The following GNB1 variants were observed in gnomAD, a reference collection of about 807,000 sequenced individuals.
The protein encoded by GNB1 is guanine nucleotide-binding protein G(I)/G(S)/G(T) subunit beta-1.
A neutral mutation model predicts 42.9 loss-of-function variants in GNB1; 2 were observed. The ratio of observed to expected loss-of-function variants is 0.05; its 90% CI spans 0.02 to 0.15. The LOEUF is 0.15. GNB1 is among the 10% of genes least tolerant of loss of function. The pLI, the probability that GNB1 is intolerant of heterozygous loss-of-function variation, is 1.00. For synonymous variants in GNB1, 183 were observed against 174.7 expected, an observed-to-expected ratio of 1.05 and a Z score of -0.38; for missense variants, 193 against 462.2, an observed-to-expected ratio of 0.42 and a Z score of 5.34.
intron 4 of GNB1, among the ~76,000 whole-genome samples, chr1:1,816,471 G>A (rs1376341336): frequency 6.6e-6 from 1 of 151,990 alleles, no homozygotes; most frequent in Non-Finnish European, 1.5e-5. Context: ...TTGAAATTCA[G>A]GTAATTCTAT....
intron 1 of GNB1, among the ~76,000 whole-genome samples, chr1:1,871,683 C>T (rs1268300950): frequency 2.0e-5 from 3 of 152,230 alleles, no homozygotes; most frequent in Non-Finnish European, 2.9e-5. Context: ...TTGCCCTATA[C>T]CCATTTTGAG....
intron 1 of GNB1, among the ~76,000 whole-genome samples, chr1:1,869,185 CAAAAAAAAA>C (rs71578347): frequency 6.4e-4 from 17 of 26,744 alleles, no homozygotes; most frequent in South Asian, 1.6e-3. Flanking sequence ...GACACCTTCT[CAAAAAAAAA>C]AAAAAAAAAA....
At position 1,889,677 on chromosome 1, in the gene GNB1, A is replaced by C. The variant is rs1398544544; in HGVS notation, c.-96+1143T>G. Among the ~76,000 whole-genome samples the C allele has an allele frequency of 4.0e-5, 6 of 151,406 alleles. No homozygotes were observed. In the South Asian group the frequency reaches 1.0e-3, roughly 26 times the overall value. The stretch of plus-strand genomic sequence containing the variant: ...CATCTCTTAAAAAAAAAAAAAAAAA[A>C]GGCTTCCATGAAGATGAATTAAGCA... On this transcript the variant is annotated intron_variant, in intron 1 of 11. Coordinates refer to ENST00000378609, the MANE Select transcript of GNB1 (RefSeq NM_002074.5).
chr1:1,868,072 T>C (rs1557941316), intron 1 of GNB1, among the ~76,000 whole-genome samples: 2 of 152,248 alleles, frequency 1.3e-5, no homozygotes, highest in African/African-American at 2.4e-5. Flanking sequence ...CACATGCATA[T>C]AGGAATACTG....
At chr1:1,884,869 G>C (rs1256961374) in intron 1 of GNB1, among the ~76,000 whole-genome samples, 1 of 151,540 alleles carries the variant, frequency 6.6e-6, no homozygotes, top group African/African-American at 2.4e-5. Context: ...ATTTTTAGCA[G>C]AGACAGGGTT....
chr1:1,849,781 T>A (rs6681938), intron 1 of GNB1, among the ~76,000 whole-genome samples: 1 of 151,984 alleles, frequency 6.6e-6, no homozygotes. Flanking sequence ...TGCCTAGGTG[T>A]TGAGGGTTTT....
intron 1 of GNB1, among the ~76,000 whole-genome samples, chr1:1,882,333 CAGG>C (rs750808248): frequency 6.8e-6 from 1 of 148,140 alleles, no homozygotes; most frequent in Non-Finnish European, 1.5e-5. Context: ...GAGGCTGAGG[CAGG>C]AGAAGCGCCT....
At chr1:1,845,417 C>A (rs1647585466) in intron 1 of GNB1, among the ~76,000 whole-genome samples, 2 of 151,896 alleles carry the variant, frequency 1.3e-5, no homozygotes, top group Non-Finnish European at 2.9e-5. Context: ...ACTAAAAATA[C>A]AAAAAATTAG....
chr1:1,830,086 G>A (rs1298945352), intron 2 of GNB1, among the ~76,000 whole-genome samples: 1 of 151,916 alleles, frequency 6.6e-6, no homozygotes, highest in Non-Finnish European at 1.5e-5. Context: ...GTTGTTTTTG[G>A]AGAAAGAGAA....
chr1:1,839,132 G>A (rs1327840763), intron 2 of GNB1, 58 bp downstream of exon 2: 1 of 152,046 alleles, frequency 6.6e-6, no homozygotes, highest in East Asian at 1.9e-4. Context: ...AACAAACTCT[G>A]AAGAAATTTA....
chr1:1,803,312 T>G (rs1401598192), intron 7 of GNB1, among the ~76,000 whole-genome samples: 1 of 152,254 alleles, frequency 6.6e-6, no homozygotes, highest in Non-Finnish European at 1.5e-5. Context: ...TATGCCTCAT[T>G]TGCAGAGACA....
chr1:1,832,475 T>C (rs1647090154), intron 2 of GNB1, among the ~76,000 whole-genome samples: 1 of 152,230 alleles, frequency 6.6e-6, no homozygotes. Context: ...ATCTGAGTTT[T>C]GGAAATCCTT....
At chr1:1,854,694 C>T (rs549002518) in intron 1 of GNB1, among the ~76,000 whole-genome samples, 1 of 152,292 alleles carries the variant, frequency 6.6e-6, no homozygotes, top group African/African-American at 2.4e-5. Flanking sequence ...ATTGCTTAAG[C>T]CCAGGAGTTG....
chr1:1,843,019 T>C (rs985621419), intron 1 of GNB1, among the ~76,000 whole-genome samples: 2 of 152,190 alleles, frequency 1.3e-5, no homozygotes, highest in Non-Finnish European at 2.9e-5. Context: ...TCTGGCAGCA[T>C]GCCAGTAGTG....
chr1:1,842,221 C>G (rs11260619), intron 1 of GNB1, among the ~76,000 whole-genome samples: 40,535 of 151,890 alleles, frequency 0.27, 5,605 homozygotes, highest in African/African-American at 0.32. Context: ...ACAAGGTCAG[C>G]AGATTGAGAC....
chr1:1,860,003 A>G (rs1283866437), intron 1 of GNB1, among the ~76,000 whole-genome samples: 6 of 152,200 alleles, frequency 3.9e-5, no homozygotes, highest in Non-Finnish European at 5.9e-5. Context: ...ACATGTATAC[A>G]TATGTAACAA....
At chr1:1,802,307 C>CA (rs1646636433) in intron 7 of GNB1, among the ~76,000 whole-genome samples, 1 of 152,072 alleles carries the variant, frequency 6.6e-6, no homozygotes, top group African/African-American at 2.4e-5. Context: ...CCTCAAATGT[C>CA]AAAGGACTGA....
chr1:1,787,291 T>C lies in GNB1; in HGVS notation c.*9+31A>G, dbSNP rs1288924990. On this transcript the variant is annotated intron_variant, in intron 11 of 11. Transcript: ENST00000378609. The surrounding 1 kb of genome is among the most constrained non-coding windows in gnomAD (Gnocchi z 4.4). ...CTATGAGAAACACGCACAGTTCTCC[T>C]CAGAGAAGGGCATTTGGGCTGCTGC... 2.7e-6 allele frequency: 3 copies of C among 1,111,738 alleles called. No homozygotes were observed. The highest frequency in any genetic ancestry group is 4.1e-6 in the Non-Finnish European group (3 of 725,314). The allele number at this position is 1,111,738 out of a possible 1,614,324, so 68.9% of individuals were successfully genotyped here.
chr1:1,811,948 C>T (rs1646785383), intron 5 of GNB1, among the ~76,000 whole-genome samples: 2 of 151,636 alleles, frequency 1.3e-5, no homozygotes, highest in African/African-American at 4.8e-5. Flanking sequence ...CGCCTATAGT[C>T]CCAGCTACTC....
Sources: gnomAD v4.1 joint callset for allele counts (sites outside exome capture counted in the v4.1 genomes callset) on GRCh38, gnomAD v4.1.1 for gene constraint, Gnocchi (gnomAD v3.1) non-coding constraint, MANE v1.5 for transcripts, NCBI Gene and HGNC (gene_info 2026-07-23, HGNC 2026-07-21) for gene names.